DPYD: variants seen among roughly 807,000 people sequenced by gnomAD.
DPYD encodes dihydropyrimidine dehydrogenase.
A neutral mutation model predicts 116.2 loss-of-function variants in DPYD; 109 were observed. That is an observed-to-expected ratio of 0.94 (90% CI 0.80 to 1.10). DPYD has a LOEUF of 1.10. DPYD is among the 50% of genes least tolerant of loss of function. DPYD has a pLI of 0.00. For missense variants in DPYD, 1,302 were observed against 1,254.5 expected (o/e 1.04, Z -0.57); for synonymous variants, 440 against 432.0 (o/e 1.02, Z -0.23).
intron 18 of DPYD, among the ~76,000 whole-genome samples, chr1:97,244,741 A>T (rs960124308): frequency 2.0e-5 from 3 of 151,984 alleles, no homozygotes; most frequent in Admixed American, 2.0e-4. Context: ...CAAGTAGTAA[A>T]TTTTTCTTAC....
At chr1:97,919,908 A>C (rs1403107184) in intron 1 of DPYD, among the ~76,000 whole-genome samples, 3 of 152,206 alleles carry the variant, frequency 2.0e-5, no homozygotes, top group Non-Finnish European at 4.4e-5. Flanking sequence ...ATGTGGCAAA[A>C]GCAGCTATTT....
chr1:97,469,762 T>C (rs994153197), intron 13 of DPYD, among the ~76,000 whole-genome samples: 8 of 152,180 alleles, frequency 5.3e-5, no homozygotes. Context: ...AGTAATCTTA[T>C]TTTTTTAAAT....
At chr1:97,181,787 C>A (rs1383985186) in intron 20 of DPYD, among the ~76,000 whole-genome samples, 4 of 152,134 alleles carry the variant, frequency 2.6e-5, no homozygotes, top group Non-Finnish European at 5.9e-5. Flanking sequence ...AATTGCCTAT[C>A]TATCTATGCC....
rs200226934 is a variant in DPYD, at chr1:97,641,405, TAAAG to T, written c.850+37686_850+37689del. Among the ~76,000 whole-genome samples the T allele has an allele frequency of 1.9e-3, 295 of 152,144 alleles. 11 individuals carry two copies. The East Asian group carries it at 0.044, about 23-fold the overall frequency. On this transcript the variant is annotated intron_variant, in intron 8 of 22. Transcript: ENST00000370192. ...TATAAAAGACTTTCTAACCACCAAA[TAAAG>T]AAAGATTTTACTTCTACTCCTGATA...
Position 97,917,416 on chromosome 1 carries a change from A to C in DPYD, c.39+3468T>G, listed in dbSNP as rs113214389. Among the ~76,000 whole-genome samples, 1,207 of 152,268 alleles carry C rather than the reference A, an allele frequency of 7.9e-3. 24 individuals carry two copies. Among genetic ancestry groups the C allele is most frequent in the African/African-American group, 0.028 (1,164 of 41,558 alleles). ...AAATTTGTAAAGTCCACTTTCTCCA[A>C]GTCTTTCCCATTATGCTTCTATTTT... On this transcript the variant is annotated intron_variant, in intron 1 of 22. Transcript: ENST00000370192.
chr1:97,079,891 C>T (rs1284646492), intron 22 of DPYD, among the ~76,000 whole-genome samples: 1 of 152,022 alleles, frequency 6.6e-6, no homozygotes, highest in African/African-American at 2.4e-5. Context: ...TCCTCCCTCC[C>T]TTCCTCTCTT....
intron 3 of DPYD, among the ~76,000 whole-genome samples, chr1:97,822,737 T>A (rs532472372): frequency 1.4e-4 from 22 of 152,292 alleles, no homozygotes; most frequent in African/African-American, 4.6e-4. Context: ...TGAGAATGGC[T>A]GTCTCGCTAT....
chr1:97,714,488 C>T (rs1049730262), intron 5 of DPYD, among the ~76,000 whole-genome samples: 1 of 151,938 alleles, frequency 6.6e-6, no homozygotes, highest in African/African-American at 2.4e-5. Flanking sequence ...GGATTAAAGG[C>T]ATGACCCACC....
chr1:97,657,861 A>G (rs1659031134), intron 8 of DPYD, among the ~76,000 whole-genome samples: 1 of 152,298 alleles, frequency 6.6e-6, no homozygotes, highest in East Asian at 1.9e-4. Flanking sequence ...CATGCACTAG[A>G]AACAATGGAA....
intron 16 of DPYD, among the ~76,000 whole-genome samples, chr1:97,323,417 T>C (rs1436834110): frequency 2.3e-5 from 2 of 87,408 alleles, no homozygotes; most frequent in African/African-American, 6.9e-5. Flanking sequence ...TATGTACACG[T>C]ATATATACAT....
chr1:97,705,238 C>T (rs1044750188), intron 5 of DPYD, among the ~76,000 whole-genome samples: 6 of 151,952 alleles, frequency 3.9e-5, no homozygotes, highest in African/African-American at 9.7e-5. Context: ...CCCATTAACT[C>T]GTCATCTAGC....
chr1:97,844,424 C>G (rs1224866349), intron 2 of DPYD, among the ~76,000 whole-genome samples: 1 of 152,110 alleles, frequency 6.6e-6, no homozygotes. Flanking sequence ...CATCCCCTAT[C>G]CTAGGAGAAG....
chr1:97,116,339 A>G (rs1024421056), intron 20 of DPYD, among the ~76,000 whole-genome samples: 96 of 152,228 alleles, frequency 6.3e-4, no homozygotes, highest in African/African-American at 2.1e-3. Flanking sequence ...TTACCAAGAC[A>G]CAAGCTTAGG....
At chr1:97,740,531 T>G in intron 3 of DPYD, 52 bp from the exon 4 acceptor site, 1 of 1,455,642 alleles carries the variant, frequency 6.9e-7, no homozygotes, top group Non-Finnish European at 9.6e-7. Context: ...TGAGATAATC[T>G]ATTTTCTACC....
chr1:97,574,330 C>T (rs112140185), intron 10 of DPYD, among the ~76,000 whole-genome samples: 8 of 152,030 alleles, frequency 5.3e-5, no homozygotes, highest in South Asian at 2.1e-4. Context: ...AATCATGCTG[C>T]ATATTAAAAT....
intron 8 of DPYD, among the ~76,000 whole-genome samples, chr1:97,650,269 G>T (rs1214962702): frequency 6.6e-6 from 1 of 152,102 alleles, no homozygotes; most frequent in African/African-American, 2.4e-5. Flanking sequence ...TATTTCAAGT[G>T]CAGCTCTTTC....
intron 20 of DPYD, among the ~76,000 whole-genome samples, chr1:97,191,309 GATA>G (rs1455007432): frequency 5.3e-5 from 8 of 152,004 alleles, no homozygotes; most frequent in Non-Finnish European, 1.0e-4. Context: ...AATCTAAAGG[GATA>G]ATCACCTATT....
intron 3 of DPYD, among the ~76,000 whole-genome samples, chr1:97,772,128 ACT>A (rs1666176398): frequency 6.6e-6 from 1 of 152,082 alleles, no homozygotes; most frequent in Non-Finnish European, 1.5e-5. Flanking sequence ...TCTTTAAACT[ACT>A]CTCTGACTTC....
chr1:97,546,384 A>T (rs1159752306), intron 12 of DPYD: 35 of 1,461,578 alleles, frequency 2.4e-5, no homozygotes, highest in Admixed American at 1.3e-4. Context: ...ATGAAGAAGA[A>T]GTTTCAGATA....
Sources: allele counts gnomAD v4.1 joint callset (sites outside exome capture counted in the v4.1 genomes callset), GRCh38; gene constraint gnomAD v4.1.1; transcripts MANE v1.5; gene names NCBI Gene and HGNC (gene_info 2026-07-23, HGNC 2026-07-21).